The following ABLIM2 variants were observed in gnomAD, a reference collection of about 807,000 sequenced individuals.
The protein encoded by ABLIM2 is actin-binding LIM protein 2.
A neutral mutation model predicts 97.7 loss-of-function variants in ABLIM2; 53 were observed. The ratio of observed to expected loss-of-function variants is 0.54; its 90% confidence interval spans 0.44 to 0.68. ABLIM2 has a LOEUF of 0.68. Among genes scored for constraint, ABLIM2 ranks in the 30% least tolerant of loss-of-function variants. The probability of loss-of-function intolerance (pLI) is 0.00; values close to 1 mark genes in which losing one functional copy is unlikely to be tolerated. For synonymous variants in ABLIM2, 361 were observed against 345.8 expected (o/e 1.04, Z -0.49); for missense variants, 835 against 867.2 (o/e 0.96, Z 0.47).
At chr4:8,047,285 A>G (rs1340678559) in intron 8 of ABLIM2, among the ~76,000 whole-genome samples, 1 of 152,058 alleles carries the variant, frequency 6.6e-6, no homozygotes, top group Non-Finnish European at 1.5e-5. Context: ...CCTCCGCTCC[A>G]CCGGCCCAGG....
At position 8,113,612 on chromosome 4, in the gene ABLIM2, A is replaced by G. The variant is rs1309205695; in HGVS notation, c.11-6975T>C. Among the ~76,000 whole-genome samples, 2 of 152,176 alleles carry G rather than the reference A, an allele frequency of 1.3e-5. No individual in the cohort carries two copies. The highest frequency in any genetic ancestry group is 4.8e-5 in the African/African-American group (2 of 41,446). On this transcript the variant is annotated intron_variant, in intron 1 of 20. Transcript: ENST00000447017. This position sits in a 1 kb window ranked among gnomAD's most constrained non-coding sequence, Gnocchi z 4.5. ...GCAGGGGACCCCCTTGTGTACTCACACAGGGGAAAACTTGGGGTCCACCCA... is the reference window on the plus strand; with the variant it reads ...GCAGGGGACCCCCTTGTGTACTCACGCAGGGGAAAACTTGGGGTCCACCCA...
At position 8,158,769 on chromosome 4, in the gene ABLIM2, A is replaced by G; in HGVS notation, c.-80T>C. On this transcript the variant is annotated 5_prime_UTR_variant, in exon 1 of 21. Coordinates refer to ENST00000447017, the MANE Select transcript of ABLIM2 (RefSeq NM_001130083.2). The stretch of plus-strand genomic sequence containing the variant: ...GGCCCGCAGGTGCCGCGCCCGCGCT[A>G]TCCTCCGCCCGCCCGCCGGCTCCGC... 8.0e-6 allele frequency: 10 copies of G among 1,242,316 alleles called. No individual in the cohort carries two copies. Among genetic ancestry groups the G allele is most frequent in the Non-Finnish European group, 1.0e-5 (10 of 986,016 alleles). 77.0% of individuals were successfully genotyped at this position (1,242,316 alleles called of 1,614,324 possible).
At chr4:8,100,940 A>G (rs1293026669) in intron 2 of ABLIM2, among the ~76,000 whole-genome samples, 1 of 152,156 alleles carries the variant, frequency 6.6e-6, no homozygotes, top group African/African-American at 2.4e-5. Flanking sequence ...TGGTGAGGAA[A>G]GTGCCCACAC....
chr4:8,113,050 T>G lies in ABLIM2; in HGVS notation c.11-6413A>C, dbSNP rs984523608. Among the ~76,000 whole-genome samples the G allele has an allele frequency of 1.3e-5, 2 of 152,160 alleles. No individual in the cohort carries two copies. The highest frequency in any genetic ancestry group is 2.9e-5 in the Non-Finnish European group (2 of 68,012). On this transcript the variant is annotated intron_variant, in intron 1 of 20. Coordinates refer to ENST00000447017, the MANE Select transcript of ABLIM2 (RefSeq NM_001130083.2). The surrounding 1 kb of genome is among the most constrained non-coding windows in gnomAD (Gnocchi z 4.5). ...CTCTTTCTGTCCAGCGAACCAGCTC[T>G]CACGACCCAGACAGCAGAGTCCTCA...
intron 1 of ABLIM2, among the ~76,000 whole-genome samples, chr4:8,153,807 G>A (rs1713992025): frequency 1.3e-5 from 2 of 152,198 alleles, no homozygotes; most frequent in Non-Finnish European, 1.5e-5. Flanking sequence ...AAGTAAAAAG[G>A]TGCAGAAGAC....
chr4:8,133,716 G>C (rs1414796699), intron 1 of ABLIM2, among the ~76,000 whole-genome samples: 1 of 152,168 alleles, frequency 6.6e-6, no homozygotes, highest in Non-Finnish European at 1.5e-5. Flanking sequence ...CCGGCCCTCC[G>C]ACAGCATCTC....
chr4:7,988,215 G>A (rs1219654019), intron 17 of ABLIM2, among the ~76,000 whole-genome samples: 1 of 152,070 alleles, frequency 6.6e-6, no homozygotes, highest in Non-Finnish European at 1.5e-5. Context: ...TAGAGACAGG[G>A]TTTCACCACG....
Position 8,020,286 on chromosome 4 carries a change from T to C in ABLIM2, c.1285A>G (p.Ser429Gly), listed in dbSNP as rs1578839705. ...GAGAGCACGGAGAGGCTGGGGGTGC[T>C]CCGGCCACTTTCACTGCCTCCAGAC... ...PYFRGSESGR[S>G]TPSLSVLSDS... The change falls in exon 13 of 21, where the codon AGC becomes GGC. Residue 429 changes from serine to glycine, a missense_variant. Physicochemically the swap from Ser to Gly is moderately conservative, Grantham distance 56 (BLOSUM62 0). Coordinates refer to ENST00000447017, the MANE Select transcript of ABLIM2 (RefSeq NM_001130083.2). 6.2e-7 allele frequency: 1 copy of C among 1,613,436 alleles called. No individual in the cohort carries two copies. Among genetic ancestry groups the C allele is most frequent in the Non-Finnish European group, 8.5e-7 (1 of 1,179,788 alleles).
chr4:8,037,975 C>T (rs1226812797), intron 9 of ABLIM2, among the ~76,000 whole-genome samples: 1 of 152,228 alleles, frequency 6.6e-6, no homozygotes, highest in South Asian at 2.1e-4. Context: ...TGCTCTTGCC[C>T]CTGCCTGTCC....
rs972146808 is a variant in ABLIM2, at chr4:8,127,427, C to T, written c.11-20790G>A. ...CACAACTTGACTGGACCCGTCCTTT[C>T]CCACCAGACCCCTGAAGCTGATTCA... On this transcript the variant is annotated intron_variant, in intron 1 of 20. Coordinates refer to ENST00000447017, the MANE Select transcript of ABLIM2 (RefSeq NM_001130083.2). The surrounding 1 kb of genome is among the most constrained non-coding windows in gnomAD (Gnocchi z 7.3). 5.0e-6 allele frequency: 6 copies of T among 1,207,916 alleles called. No homozygotes were observed. In the South Asian group the frequency reaches 8.0e-5, roughly 16 times the overall value. 74.8% of individuals were successfully genotyped at this position (1,207,916 alleles called of 1,614,324 possible).
chr4:8,027,250 C>T (rs762099523), intron 12 of ABLIM2, among the ~76,000 whole-genome samples: 88 of 152,152 alleles, frequency 5.8e-4, no homozygotes, highest in Non-Finnish European at 9.3e-4. Flanking sequence ...TGTGGGTGCC[C>T]GTGCAGGGAT....
Position 8,023,276 on chromosome 4 carries a change from G to A in ABLIM2, c.1268-2973C>T, listed in dbSNP as rs1186885968. 2 of 152,228 alleles carry A rather than the reference G, an allele frequency of 1.3e-5. No individual in the cohort carries two copies. The highest frequency in any genetic ancestry group is 2.4e-5 in the African/African-American group (1 of 41,430). The allele number at this position is 152,228 out of a possible 1,614,324, so 9.4% of individuals were successfully genotyped here. A position where few individuals can be genotyped will look rare whatever the true frequency, so the allele number is the denominator to read the frequency against. ...CCCGGGTGTCACCTGATGTTCTTCC[G>A]CTCCAGGATCCCACCCAGGAAACAT... On this transcript the variant is annotated intron_variant, in intron 12 of 20. Transcript: ENST00000447017. This position sits in a 1 kb window ranked among gnomAD's most constrained non-coding sequence, Gnocchi z 5.7.
At position 8,069,275 on chromosome 4, in the gene ABLIM2, A is replaced by G. The variant is rs1208717584; in HGVS notation, c.676-8221T>C. Reference sequence around the variant, plus strand: ...GTGGGGACGTTCTGAACAAGGCAACACGGTGCCCAGGAGGCCAGCCTGAGC... The same window carrying G: ...GTGGGGACGTTCTGAACAAGGCAACGCGGTGCCCAGGAGGCCAGCCTGAGC... On this transcript the variant is annotated intron_variant, in intron 6 of 20. Coordinates refer to ENST00000447017, the MANE Select transcript of ABLIM2 (RefSeq NM_001130083.2). The surrounding 1 kb of genome is among the most constrained non-coding windows in gnomAD (Gnocchi z 4.2). Among the ~76,000 whole-genome samples the G allele has an allele frequency of 6.6e-6, 1 of 152,256 alleles. No homozygotes were observed. Among genetic ancestry groups the G allele is most frequent in the African/African-American group, 2.4e-5 (1 of 41,476 alleles).
Position 8,124,889 on chromosome 4 carries a change from G to A in ABLIM2, c.11-18252C>T, listed in dbSNP as rs1325972400. 1.3e-5 allele frequency among the ~76,000 whole-genome samples: 2 copies of A among 152,170 alleles called. No individual in the cohort carries two copies. The highest frequency in any genetic ancestry group is 6.5e-5 in the Admixed American group (1 of 15,280). On this transcript the variant is annotated intron_variant, in intron 1 of 20. Coordinates refer to ENST00000447017, the MANE Select transcript of ABLIM2 (RefSeq NM_001130083.2). This position sits in a 1 kb window ranked among gnomAD's most constrained non-coding sequence, Gnocchi z 6.1. ...CGCATCCCCACAGCCTGCTCTGGGT[G>A]TGCCTGCGATTTTGATCCAGCCATT...
chr4:8,075,210 C>T lies in ABLIM2; in HGVS notation c.675+2418G>A, dbSNP rs1325189110. Among the ~76,000 whole-genome samples the T allele has an allele frequency of 2.0e-5, 3 of 152,028 alleles. No homozygotes were observed. The highest frequency in any genetic ancestry group is 7.3e-5 in the African/African-American group (3 of 41,374). On this transcript the variant is annotated intron_variant, in intron 6 of 20. Transcript: ENST00000447017. The surrounding 1 kb of genome is among the most constrained non-coding windows in gnomAD (Gnocchi z 4.4). ...ATGAAAGACTACATATTTCATGATT[C>T]CATTCATATGAAACGTCCAGAAGAG...
rs933380688 is a variant in ABLIM2 at position 8,132,619 on chromosome 4, C to T, written c.11-25982G>A. On this transcript the variant is annotated intron_variant, in intron 1 of 20. Coordinates refer to ENST00000447017, the MANE Select transcript of ABLIM2 (RefSeq NM_001130083.2). The surrounding 1 kb of genome is among the most constrained non-coding windows in gnomAD (Gnocchi z 8.0). The stretch of plus-strand genomic sequence containing the variant: ...TCACTGCCACCCTCCCTCACCGCCA[C>T]TCCTGCTCCCCAGCAATGCTGCACA... Among the ~76,000 whole-genome samples the T allele has an allele frequency of 6.6e-6, 1 of 152,178 alleles. No homozygotes were observed. Among genetic ancestry groups the T allele is most frequent in the Non-Finnish European group, 1.5e-5 (1 of 68,042 alleles).
At chr4:8,029,586 T>TAAAAA (rs758188738) in intron 11 of ABLIM2, 70 bp downstream of exon 11, 103 of 1,052,222 alleles carry the variant, frequency 9.8e-5, no homozygotes, top group Middle Eastern at 3.7e-4. Context: ...AAAAAAAAAC[T>TAAAAA]AAAAAAAAAA....
rs114001141 is a variant in ABLIM2, at chr4:8,033,593, A to G, written c.1047+2556T>C. On this transcript the variant is annotated intron_variant, in intron 10 of 20. Transcript: ENST00000447017. The surrounding 1 kb of genome is among the most constrained non-coding windows in gnomAD (Gnocchi z 4.5). The stretch of plus-strand genomic sequence containing the variant: ...TATGGCTGAGAGCGGAAGCTCACAC[A>G]CAGGTGCCACTGTTTAGCAGAGCGG... 2.4e-3 allele frequency among the ~76,000 whole-genome samples: 366 copies of G among 152,304 alleles called. 3 individuals are homozygous for G. Among genetic ancestry groups the G allele is most frequent in the African/African-American group, 8.4e-3 (350 of 41,574 alleles).
chr4:7,987,796 G>A (rs940259411), intron 17 of ABLIM2, among the ~76,000 whole-genome samples: 1 of 152,090 alleles, frequency 6.6e-6, no homozygotes, highest in Non-Finnish European at 1.5e-5. Context: ...GTCTACTTCC[G>A]GTCTTGTAAG....
Sources: allele counts gnomAD v4.1 joint callset (sites outside exome capture counted in the v4.1 genomes callset), GRCh38; gene constraint gnomAD v4.1.1; non-coding constraint Gnocchi (gnomAD v3.1); transcripts MANE v1.5; gene names NCBI Gene and HGNC (gene_info 2026-07-23, HGNC 2026-07-21).